PRICKLE2: variants seen among roughly 807,000 people sequenced by gnomAD.
PRICKLE2 encodes prickle planar cell polarity protein 2, also known as prickle-like protein 2.
A neutral mutation model predicts 81.4 loss-of-function variants in PRICKLE2; 21 were observed. The observed-to-expected ratio is 0.26, with a 90% CI of 0.18 to 0.37. The LOEUF is 0.37. PRICKLE2 is among the 10% of genes least tolerant of loss of function. PRICKLE2 has a pLI of 1.00. For missense variants in PRICKLE2, 940 were observed against 1,109.0 expected, an observed-to-expected ratio of 0.85 and a Z score of 2.16; for synonymous variants, 456 against 421.5, an observed-to-expected ratio of 1.08 and a Z score of -1.00.
intron 1 of PRICKLE2, among the ~76,000 whole-genome samples, chr3:64,222,032 T>C (rs2078963728): frequency 6.6e-6 from 1 of 152,214 alleles, no homozygotes. Context: ...AAATAAATAT[T>C]AAAATTACTG....
intron 1 of PRICKLE2, among the ~76,000 whole-genome samples, chr3:64,214,817 T>C (rs753833200): frequency 2.8e-4 from 42 of 152,308 alleles, no homozygotes; most frequent in Admixed American, 1.1e-3. Flanking sequence ...GCCTGCTAGA[T>C]GTAGCAACGC....
intron 4 of PRICKLE2, among the ~76,000 whole-genome samples, 180 bp from the exon 5 acceptor site, chr3:64,157,545 C>T (rs529010917): frequency 6.6e-6 from 1 of 152,184 alleles, no homozygotes; most frequent in African/African-American, 2.4e-5. Flanking sequence ...CTGAACTCTC[C>T]TTTCCTAAGG....
chr3:64,123,110 C>G (rs1463911331), intron 7 of PRICKLE2, among the ~76,000 whole-genome samples: 1 of 152,148 alleles, frequency 6.6e-6, no homozygotes, highest in Non-Finnish European at 1.5e-5. Flanking sequence ...TGCAACTGAT[C>G]CAGCCATTAG....
chr3:64,141,376 T>C (rs2077359095), intron 7 of PRICKLE2, among the ~76,000 whole-genome samples: 1 of 152,200 alleles, frequency 6.6e-6, no homozygotes, highest in Admixed American at 6.5e-5. Flanking sequence ...GCCTACCTCA[T>C]AGGGTTGTTG....
chr3:64,139,459 C>G (rs191941029), intron 7 of PRICKLE2, among the ~76,000 whole-genome samples: 1 of 152,358 alleles, frequency 6.6e-6, no homozygotes, highest in East Asian at 1.9e-4. Context: ...TATCCATCCA[C>G]TTATTTTGGA....
At chr3:64,257,238 G>A (rs1418891724) in intron 2 of PRICKLE2, among the ~76,000 whole-genome samples, 1 of 152,142 alleles carries the variant, frequency 6.6e-6, no homozygotes, top group Non-Finnish European at 1.5e-5. Context: ...TTTGGGCAAT[G>A]TTGCCAAGCT....
rs1272106140 is a variant in PRICKLE2 at position 64,215,297 on chromosome 3, C to T, written c.-41+9613G>A. ...GCCAAGGCTTTCCCTCTCTTAGGAT[C>T]TTTGCAGCAGCTGCTCCTCGGCCCA... is the stretch of plus-strand genomic sequence containing the variant. On this transcript the variant is annotated intron_variant, in intron 1 of 7. Transcript: ENST00000638394. 1.6e-4 allele frequency among the ~76,000 whole-genome samples: 24 copies of T among 152,158 alleles called. 1 individual carries two copies. The highest frequency in any genetic ancestry group is 1.6e-3 in the Admixed American group (24 of 15,282).
At position 64,099,624 on chromosome 3, in the gene PRICKLE2, C is replaced by T. The variant is rs367685080; in HGVS notation, c.1962G>A (p.Leu654=). The change falls in exon 8 of 8, where the codon CTG becomes CTA. Residue 654 remains leucine (L), a synonymous_variant. Coordinates refer to ENST00000638394, the MANE Select transcript of PRICKLE2 (RefSeq NM_198859.4). This position sits in a 1 kb window ranked among gnomAD's most constrained non-coding sequence, Gnocchi z 4.3. ...DFDGGMAGSK[L]PGQEGVRIQP... is the part of the protein sequence containing the mutation. The stretch of plus-strand genomic sequence containing the variant: ...GGATCCTCACGCCCTCCTGCCCTGG[C>T]AGCTTGCTGCCCGCCATCCCTCCAT... 3.3e-5 allele frequency: 53 copies of T among 1,614,084 alleles called. No individual in the cohort carries two copies. The African/African-American group carries it at 6.7e-4, about 20-fold the overall frequency.
At chr3:64,261,995 T>G (rs2079621490) in intron 2 of PRICKLE2, among the ~76,000 whole-genome samples, 1 of 152,194 alleles carries the variant, frequency 6.6e-6, no homozygotes, top group African/African-American at 2.4e-5. Flanking sequence ...CTGTGGAGGT[T>G]TGAGATATGT....
chr3:64,098,265 T>G lies in PRICKLE2; in HGVS notation c.*786A>C, dbSNP rs1389280501. On this transcript the variant is annotated 3_prime_UTR_variant, in exon 8 of 8. Transcript: ENST00000638394. The stretch of plus-strand genomic sequence containing the variant: ...GTTGGTTTCTCTAATTGGCAAAAAT[T>G]ACATTTGCAATTTAAAAAAAAATTA... 2 of 152,374 alleles carry G rather than the reference T, an allele frequency of 1.3e-5. No homozygotes were observed. Among genetic ancestry groups the G allele is most frequent in the African/African-American group, 4.8e-5 (2 of 41,414 alleles). The allele number at this position is 152,374 out of a possible 1,614,324, so 9.4% of individuals were successfully genotyped here. A position where few individuals can be genotyped will look rare whatever the true frequency, so the allele number is the denominator to read the frequency against.
intron 1 of PRICKLE2, among the ~76,000 whole-genome samples, chr3:64,213,416 C>G (rs2078823761): frequency 1.3e-5 from 2 of 152,172 alleles, no homozygotes; most frequent in South Asian, 4.1e-4. Flanking sequence ...ATAAGGCAGA[C>G]AGGTTAGACA....
intron 2 of PRICKLE2, among the ~76,000 whole-genome samples, chr3:64,192,988 T>A (rs185295): frequency 0.37 from 55,802 of 152,016 alleles, 11,368 homozygotes; most frequent in East Asian, 0.7. Flanking sequence ...TAAAATCCAC[T>A]TGCATCCAAT....
At position 64,093,006 on chromosome 3, in the gene PRICKLE2, A is replaced by G. The variant is rs1225728103; in HGVS notation, c.*6045T>C. 1 of 153,300 alleles carries G rather than the reference A, an allele frequency of 6.5e-6. No homozygotes were observed. Among genetic ancestry groups the G allele is most frequent in the African/African-American group, 2.4e-5 (1 of 41,468 alleles). 9.5% of individuals were successfully genotyped at this position (153,300 alleles called of 1,614,324 possible). Reference sequence around the variant, plus strand: ...CTTGCCATAATGAAACTCTATACCCATTAAATAGTAACTCCCCATTCCCTC... The same window carrying G: ...CTTGCCATAATGAAACTCTATACCCGTTAAATAGTAACTCCCCATTCCCTC... On this transcript the variant is annotated 3_prime_UTR_variant, in exon 8 of 8. Transcript: ENST00000638394.
chr3:64,132,344 G>A (rs540842038), intron 7 of PRICKLE2, among the ~76,000 whole-genome samples: 1 of 152,262 alleles, frequency 6.6e-6, no homozygotes, highest in Admixed American at 6.5e-5. Flanking sequence ...GGTTGGGTTT[G>A]ACCAATGGGA....
At chr3:64,217,716 T>C (rs1352207501) in intron 1 of PRICKLE2, among the ~76,000 whole-genome samples, 3 of 152,124 alleles carry the variant, frequency 2.0e-5, no homozygotes, top group African/African-American at 7.2e-5. Context: ...AGAAGGACTC[T>C]GGGGATGCAT....
intron 2 of PRICKLE2, among the ~76,000 whole-genome samples, chr3:64,192,028 T>C (rs1373261691): frequency 6.6e-6 from 1 of 152,218 alleles, no homozygotes; most frequent in Non-Finnish European, 1.5e-5. Context: ...CTCTGGCCTT[T>C]TGCAACCTAA....
intron 2 of PRICKLE2, among the ~76,000 whole-genome samples, chr3:64,255,214 A>G (rs2079508985): frequency 6.6e-6 from 1 of 151,994 alleles, no homozygotes; most frequent in South Asian, 2.1e-4. Context: ...GCACAAGTTT[A>G]CTCTCTGTGT....
chr3:64,138,386 G>A (rs2077308778), intron 7 of PRICKLE2, among the ~76,000 whole-genome samples: 3 of 152,302 alleles, frequency 2.0e-5, no homozygotes, highest in South Asian at 4.1e-4. Context: ...CTCAATTCTG[G>A]TACTTTTGGT....
At chr3:64,171,373 C>T (rs2107062173) in intron 2 of PRICKLE2, among the ~76,000 whole-genome samples, 1 of 152,302 alleles carries the variant, frequency 6.6e-6, no homozygotes, top group South Asian at 2.1e-4. Flanking sequence ...GGGTAGAGGC[C>T]AGGGACGCTG....
Sources: gnomAD v4.1 joint callset for allele counts (sites outside exome capture counted in the v4.1 genomes callset) on GRCh38, gnomAD v4.1.1 for gene constraint, Gnocchi (gnomAD v3.1) non-coding constraint, MANE v1.5 for transcripts, NCBI Gene and HGNC (gene_info 2026-07-23, HGNC 2026-07-21) for gene names.